PSG7: variants seen among roughly 807,000 people sequenced by gnomAD.
PSG7 encodes the protein pregnancy-specific beta-1-glycoprotein 7.
Under a neutral mutation model 45.6 loss-of-function variants are expected in PSG7, and 57 were observed. The observed-to-expected ratio is 1.25, with a 90% CI of 1.01 to 1.56. The LOEUF (loss-of-function observed/expected upper bound fraction) is 1.56, where lower values mean the gene tolerates loss of function less well. PSG7 is among the 40% of genes most tolerant of loss of function. The pLI, the probability that PSG7 is intolerant of heterozygous loss-of-function variation, is 0.00. For synonymous variants in PSG7, 298 were observed against 194.4 expected, an observed-to-expected ratio of 1.53 and a Z score of -4.43; for missense variants, 796 against 508.4, an observed-to-expected ratio of 1.57 and a Z score of -5.44.
At chr19:42,928,904 A>G (rs28645260) in intron 3 of PSG7, among the ~76,000 whole-genome samples, 3,177 of 151,590 alleles carry the variant, frequency 0.021, 161 homozygotes, top group African/African-American at 0.073. Flanking sequence ...GAACACTTGT[A>G]CTGATTGCTG....
chr19:42,936,886 A>T (rs751903177), intron 1 of PSG7, 127 bp downstream of exon 1: 3 of 1,402,562 alleles, frequency 2.1e-6, no homozygotes, highest in Non-Finnish European at 3.0e-6. Flanking sequence ...TGATCTCTTG[A>T]TCCACCCACC....
chr19:42,933,251 A>G (rs1242401687), intron 2 of PSG7, among the ~76,000 whole-genome samples: 2 of 109,132 alleles, frequency 1.8e-5, no homozygotes, highest in Non-Finnish European at 3.7e-5. Context: ...ATTCTTTACT[A>G]CAAATCACCA....
chr19:42,936,699 A>G (rs563437593), intron 1 of PSG7, among the ~76,000 whole-genome samples: 17 of 150,770 alleles, frequency 1.1e-4, no homozygotes, highest in East Asian at 2.0e-4. Context: ...CCAGGCTGGC[A>G]TGCAGTGGTG....
At chr19:42,929,029 G>T (rs1157735627) in intron 3 of PSG7, among the ~76,000 whole-genome samples, 1 of 151,404 alleles carries the variant, frequency 6.6e-6, no homozygotes, top group East Asian at 1.9e-4. Flanking sequence ...AAATGGTGGG[G>T]GCATCCAGGC....
intron 2 of PSG7, among the ~76,000 whole-genome samples, chr19:42,930,048 G>T (rs538241254): frequency 3.3e-5 from 5 of 151,782 alleles, no homozygotes; most frequent in African/African-American, 9.7e-5. Flanking sequence ...GGCCCACCTT[G>T]TGGTCCTCAC....
Position 42,926,570 on chromosome 19 carries a change from C to G in PSG7, c.856G>C (p.Val286Leu), listed in dbSNP as rs201389302. ...NGQSLPVSPR[V>L]KRRIENRILI... ...ATCCTGTTTTCAATGCGTCGCTTTA[C>G]CCTGGGACTGACCGGGAGGCTCTGA... Residue 286 changes from valine to leucine, a missense_variant, in exon 4 of 6, where the codon GTA becomes CTA. Coordinates refer to ENST00000406070, the MANE Select transcript of PSG7 (RefSeq NM_002783.3). 5.6e-6 allele frequency: 9 copies of G among 1,610,396 alleles called. No homozygotes were observed. The highest frequency in any genetic ancestry group is 4.5e-5 in the East Asian group (2 of 44,806).
intron 4 of PSG7, 199 bp downstream of exon 4, chr19:42,926,239 C>G: frequency 1.4e-6 from 2 of 1,386,706 alleles, no homozygotes; most frequent in South Asian, 3.0e-5. Flanking sequence ...CAAGAGCGTC[C>G]ACTCCCCTTA....
chr19:42,929,226 C>A lies in PSG7; in HGVS notation c.709+216G>T, dbSNP rs1489063622. 2.9e-5 allele frequency: 32 copies of A among 1,122,764 alleles called. No individual in the cohort carries two copies. The South Asian group carries it at 3.3e-4, about 12-fold the overall frequency. 69.6% of individuals were successfully genotyped at this position (1,122,764 alleles called of 1,614,324 possible). On this transcript the variant is annotated intron_variant, in intron 3 of 5. Coordinates refer to ENST00000406070, the MANE Select transcript of PSG7 (RefSeq NM_002783.3). ...TGTTTCTTCCATCACAAGCTGTGGA[C>A]CCTGAGTCTCCCATGACAGGAGCAG... is the stretch of plus-strand genomic sequence containing the variant.
chr19:42,930,586 T>C lies in PSG7; in HGVS notation c.431-866A>G, dbSNP rs528060053. On this transcript the variant is annotated intron_variant, in intron 2 of 5. Transcript: ENST00000406070. ...ACATGAACTGATGATGGAAGTCTGG[T>C]CCTCATGGACCATATGTGTTTGGTG... 4.4e-4 allele frequency among the ~76,000 whole-genome samples: 67 copies of C among 151,766 alleles called. 1 individual carries two copies. Among genetic ancestry groups the C allele is most frequent in the African/African-American group, 1.3e-3 (55 of 41,346 alleles).
chr19:42,926,117 C>A, intron 4 of PSG7, 90 bp from the exon 5 acceptor site: 1 of 1,537,962 alleles, frequency 6.5e-7, no homozygotes, highest in South Asian at 1.3e-5. Context: ...ACCCTCTGAG[C>A]CGAGACACAC....
intron 2 of PSG7, among the ~76,000 whole-genome samples, chr19:42,930,912 A>C (rs372277796): frequency 6.6e-6 from 1 of 151,672 alleles, no homozygotes; most frequent in Non-Finnish European, 1.5e-5. Flanking sequence ...AAGTGTTTTC[A>C]ATTTCTAATT....
At position 42,929,442 on chromosome 19, in the gene PSG7, G is replaced by C; in HGVS notation, c.709C>G (p.Pro237Ala). Residue 237 changes from proline (P) to alanine (A), a missense_variant and splice_region_variant, in exon 3 of 6, where the codon CCG becomes GCG. Transcript: ENST00000406070. ...TAACAGAGGAACAGAAGATACTCAC[G>C]GAGGAGATTCAGGGTGACTGGGTCA... ...RSDPVTLNLLPKLPKPYITIN... is the reference protein window; with the variant it reads ...RSDPVTLNLLAKLPKPYITIN... 2 of 1,612,320 alleles carry C rather than the reference G, an allele frequency of 1.2e-6. No individual in the cohort carries two copies. The highest frequency in any genetic ancestry group is 1.7e-6 in the Non-Finnish European group (2 of 1,179,048).
At chr19:42,933,673 C>T (rs1973082873) in intron 2 of PSG7, among the ~76,000 whole-genome samples, 1 of 150,758 alleles carries the variant, frequency 6.6e-6, no homozygotes, top group African/African-American at 2.4e-5. Flanking sequence ...CAGGACAGGG[C>T]TTGCCAGTCA....
intron 5 of PSG7, chr19:42,925,149 C>T (rs1972497215): frequency 7.3e-6 from 3 of 408,216 alleles, no homozygotes; most frequent in Non-Finnish European, 1.3e-5. Context: ...AGGCTGACTT[C>T]AGAGTTTGCC....
Position 42,935,489 on chromosome 19 carries a change from T to C in PSG7, c.345A>G (p.Glu115=), listed in dbSNP as rs375433199. The C allele has an allele frequency of 9.9e-6, 16 of 1,612,194 alleles. No homozygotes were observed. The African/African-American group carries it at 1.3e-4, about 13-fold the overall frequency. Residue 115 remains glutamate (E), a synonymous_variant, in exon 2 of 6, where the codon GAA becomes GAG. Transcript: ENST00000406070. ...TGTGTAAAGTGTAGGATCCTGTGTCTTCCTGGGTGACATTCTGGATCAGCA... is the reference window on the plus strand; with the variant it reads ...TGTGTAAAGTGTAGGATCCTGTGTCCTCCTGGGTGACATTCTGGATCAGCA... The part of the protein sequence containing the change: ...ASLLIQNVTQ[E]DTGSYTLHII...
chr19:42,925,183 A>G (rs567139297), intron 5 of PSG7: 44 of 348,276 alleles, frequency 1.3e-4, no homozygotes, highest in African/African-American at 8.0e-4. Context: ...GGTTCATTCT[A>G]GCTATATTCT....
Position 42,926,720 on chromosome 19 carries a change from T to C in PSG7, c.710-4A>G, listed in dbSNP as rs769400111. On this transcript the variant is annotated splice_polypyrimidine_tract_variant and splice_region_variant and intron_variant, in intron 3 of 5. Coordinates refer to ENST00000406070, the MANE Select transcript of PSG7 (RefSeq NM_002783.3). ...ATGTAGGGCTTGGGCAGCTTCGCTGTGTGAATAACAGAGAGAAGATTGTCC... is the reference window on the plus strand; with the variant it reads ...ATGTAGGGCTTGGGCAGCTTCGCTGCGTGAATAACAGAGAGAAGATTGTCC... The C allele has an allele frequency of 6.2e-7, 1 of 1,610,028 alleles. No homozygotes were observed. The highest frequency in any genetic ancestry group is 8.5e-7 in the Non-Finnish European group (1 of 1,178,730).
At chr19:42,929,925 T>C (rs1041010980) in intron 2 of PSG7, among the ~76,000 whole-genome samples, 15 of 151,586 alleles carry the variant, frequency 9.9e-5, no homozygotes, top group East Asian at 1.9e-4. Context: ...GGGAGAAGCA[T>C]GGACTTTCTC....
chr19:42,934,171 G>C (rs1318413449), intron 2 of PSG7, among the ~76,000 whole-genome samples: 2 of 151,442 alleles, frequency 1.3e-5, no homozygotes, highest in African/African-American at 4.9e-5. Flanking sequence ...CAGGATTTCA[G>C]GTTCAATGAT....
Sources: allele counts gnomAD v4.1 joint callset (sites outside exome capture counted in the v4.1 genomes callset), GRCh38; gene constraint gnomAD v4.1.1; transcripts MANE v1.5; gene names NCBI Gene and HGNC (gene_info 2026-07-23, HGNC 2026-07-21).